The following PCDH15 variants were observed in gnomAD, a reference collection of about 807,000 sequenced individuals.
PCDH15 encodes protocadherin-15.
In PCDH15, 129 loss-of-function variants were observed where a neutral mutation model predicts 178.5. The observed-to-expected ratio is 0.72, with a 90% CI of 0.63 to 0.84. The LOEUF is 0.84. Among genes scored for constraint, PCDH15 ranks in the 40% least tolerant of loss-of-function variants. The pLI is 0.00. For missense variants in PCDH15, 2,230 were observed against 2,099.9 expected (o/e 1.06, Z -1.21); for synonymous variants, 800 against 732.0 (o/e 1.09, Z -1.50).
upstream of PCDH15, among the ~76,000 whole-genome samples, chr10:54,804,398 C>G (rs750735436): frequency 6.6e-6 from 1 of 152,130 alleles, no homozygotes; most frequent in Non-Finnish European, 1.5e-5. Context: ...TAACTGCATT[C>G]AAACATGTCC....
Position 54,978,046 on chromosome 10 carries a change from T to C in PCDH15, c.-79-80546A>G, listed in dbSNP as rs945608341. Among the ~76,000 whole-genome samples the C allele has an allele frequency of 5.9e-5, 9 of 152,302 alleles. No individual in the cohort carries two copies. In the East Asian group the frequency reaches 1.7e-3, roughly 29 times the overall value. ...AGCCTAGTTCTTAATATTTCTTACC[T>C]ATAACCTGAATTAAATTCGAGAAAG... is the stretch of plus-strand genomic sequence containing the variant. On this transcript the variant is annotated intron_variant, in intron 2 of 5. Coordinates refer to the PCDH15 transcript ENST00000458638.
At chr10:53,851,099 T>G (rs1463449206) in intron 28 of PCDH15, among the ~76,000 whole-genome samples, 1 of 152,148 alleles carries the variant, frequency 6.6e-6, no homozygotes, top group African/African-American at 2.4e-5. Flanking sequence ...TGCAGTTCTC[T>G]ATCAGGAATT....
At chr10:54,938,863 A>G (rs1368258785) in intron 2 of PCDH15, among the ~76,000 whole-genome samples, 1 of 152,162 alleles carries the variant, frequency 6.6e-6, no homozygotes, top group Non-Finnish European at 1.5e-5. Context: ...AAAAACGTAA[A>G]GTTTCTGGCT....
rs147717147 is a variant in PCDH15, at chr10:53,822,530, T to A, written c.4368-2300A>T. 23 of 1,613,338 alleles carry A rather than the reference T, an allele frequency of 1.4e-5. No individual in the cohort carries two copies. The African/African-American group carries it at 2.9e-4, about 21-fold the overall frequency. The stretch of plus-strand genomic sequence containing the variant: ...AGATGTTTGGTGGATGGGCAAAATT[T>A]TCAAAAATATTTCTTTCGGTTTCAA... On this transcript the variant is annotated intron_variant, in intron 32 of 37. Transcript: ENST00000644397.
At chr10:55,554,157 A>G (rs979201200) in intron 2 of PCDH15, among the ~76,000 whole-genome samples, 1 of 152,094 alleles carries the variant, frequency 6.6e-6, no homozygotes, top group Non-Finnish European at 1.5e-5. Context: ...ATAATTCTGA[A>G]GCAATATTCA....
intron 2 of PCDH15, among the ~76,000 whole-genome samples, chr10:54,531,370 A>G (rs546135046): frequency 6.6e-6 from 1 of 152,342 alleles, no homozygotes; most frequent in Admixed American, 6.5e-5. Flanking sequence ...GCTAAAAATA[A>G]GCCATATATT....
At chr10:54,251,683 G>A (rs1388354334) in intron 8 of PCDH15, among the ~76,000 whole-genome samples, 1 of 151,970 alleles carries the variant, frequency 6.6e-6, no homozygotes, top group Non-Finnish European at 1.5e-5. Context: ...TATTAACTGT[G>A]GAAATGCTTG....
chr10:54,291,014 C>G (rs1354481316), intron 8 of PCDH15, among the ~76,000 whole-genome samples: 1 of 151,920 alleles, frequency 6.6e-6, no homozygotes, highest in East Asian at 1.9e-4. Context: ...CAAGGATATC[C>G]AGGACTTGAA....
At chr10:54,163,385 C>G (rs969055147) in intron 13 of PCDH15, among the ~76,000 whole-genome samples, 1 of 150,968 alleles carries the variant, frequency 6.6e-6, no homozygotes, top group Non-Finnish European at 1.5e-5. Context: ...GAGAAGGAAG[C>G]ACCTTGTTCA....
In PCDH15 at chr10:54,678,790, A is replaced by G. The variant is rs2094839149; in HGVS notation, c.-28-14500T>C. 2.6e-5 allele frequency among the ~76,000 whole-genome samples: 4 copies of G among 152,204 alleles called. No individual in the cohort carries two copies. In the South Asian group the frequency reaches 6.2e-4, roughly 24 times the overall value. On this transcript the variant is annotated intron_variant, in intron 1 of 37. Coordinates refer to ENST00000644397, the MANE Select transcript of PCDH15 (RefSeq NM_001384140.1). ...TTTTAAAGTAACATAACATCTATAT[A>G]TGGCAGGAAATAATAATGATACAAC...
At chr10:54,668,517 C>T (rs7902184) in intron 1 of PCDH15, among the ~76,000 whole-genome samples, 55,219 of 151,930 alleles carry the variant, frequency 0.36, 10,614 homozygotes, top group African/African-American at 0.5. Context: ...AGATTTCTGT[C>T]CATCTCTTGG....
At chr10:54,298,247 T>C (rs895028707) in intron 8 of PCDH15, among the ~76,000 whole-genome samples, 1 of 152,118 alleles carries the variant, frequency 6.6e-6, no homozygotes, top group Non-Finnish European at 1.5e-5. Context: ...AAGATAAGTT[T>C]ATTACCCGAT....
At chr10:54,185,054 A>C in intron 12 of PCDH15, 80 bp downstream of exon 12, 2 of 1,533,718 alleles carry the variant, frequency 1.3e-6, no homozygotes, top group African/African-American at 1.4e-5. Context: ...AGTTTTAACC[A>C]GACATCTCTT....
chr10:55,476,591 C>G (rs1840066773), intron 2 of PCDH15, among the ~76,000 whole-genome samples: 1 of 151,866 alleles, frequency 6.6e-6, no homozygotes, highest in Non-Finnish European at 1.5e-5. Flanking sequence ...TATTTGACCA[C>G]TGCGTACTTG....
At chr10:54,433,276 G>A (rs1327708807) in intron 3 of PCDH15, among the ~76,000 whole-genome samples, 1 of 152,104 alleles carries the variant, frequency 6.6e-6, no homozygotes, top group Non-Finnish European at 1.5e-5. Flanking sequence ...TCCCTTGTTT[G>A]GCCAGCACTG....
chr10:54,524,651 A>G (rs1438202997), intron 3 of PCDH15, among the ~76,000 whole-genome samples: 1 of 152,226 alleles, frequency 6.6e-6, no homozygotes, highest in East Asian at 1.9e-4. Flanking sequence ...TATTTTAGAC[A>G]TTCTCACTTA....
chr10:55,471,792 G>C (rs1463879679), intron 2 of PCDH15, among the ~76,000 whole-genome samples: 1 of 152,308 alleles, frequency 6.6e-6, no homozygotes, highest in Non-Finnish European at 1.5e-5. Flanking sequence ...TTGCAACTGT[G>C]AGATACAGTT....
chr10:55,565,773 A>G (rs1215374510), intron 2 of PCDH15, among the ~76,000 whole-genome samples: 1 of 151,672 alleles, frequency 6.6e-6, no homozygotes, highest in Non-Finnish European at 1.5e-5. Context: ...TATAAAACTT[A>G]CCAACACTAA....
At position 55,616,899 on chromosome 10, in the gene PCDH15, T is replaced by G. The variant is rs1437981260; in HGVS notation, c.-156+10726A>C. Among the ~76,000 whole-genome samples the G allele has an allele frequency of 2.0e-5, 3 of 152,110 alleles. No homozygotes were observed. In the East Asian group the frequency reaches 5.8e-4, roughly 29 times the overall value. On this transcript the variant is annotated intron_variant, in intron 2 of 5. Coordinates refer to the PCDH15 transcript ENST00000613346. ...ATTAAAGTGTTATTTAATATAGTAT[T>G]GTAGAATATACATTAAGTACATTAT...
Sources: gnomAD v4.1 joint callset for allele counts (sites outside exome capture counted in the v4.1 genomes callset) on GRCh38, gnomAD v4.1.1 for gene constraint, MANE v1.5 for transcripts, NCBI Gene and HGNC (gene_info 2026-07-23, HGNC 2026-07-21) for gene names.